CSMD1: variants seen among roughly 807,000 people sequenced by gnomAD.
CSMD1 encodes the protein CUB and sushi domain-containing protein 1.
A neutral mutation model predicts 417.5 loss-of-function variants in CSMD1; 213 were observed. The ratio of observed to expected loss-of-function variants is 0.51; its 90% CI spans 0.46 to 0.57. The LOEUF is 0.57. Among genes scored for constraint, CSMD1 ranks in the 20% least tolerant of loss-of-function variants. The pLI is 0.00. For synonymous variants in CSMD1, 2,862 were observed against 1,736.8 expected, an observed-to-expected ratio of 1.65 and a Z score of -16.11; for missense variants, 6,923 against 4,529.7, an observed-to-expected ratio of 1.53 and a Z score of -15.17.
chr8:3,874,303 T>C (rs1805673558), intron 5 of CSMD1, among the ~76,000 whole-genome samples: 1 of 152,214 alleles, frequency 6.6e-6, no homozygotes, highest in African/African-American at 2.4e-5. Context: ...ACCTGTACTT[T>C]GGAAATACAG....
chr8:4,484,643 T>G (rs1038184625), intron 2 of CSMD1, among the ~76,000 whole-genome samples: 1 of 151,994 alleles, frequency 6.6e-6, no homozygotes, highest in African/African-American at 2.4e-5. Context: ...GAGACACATC[T>G]TCCTGCATGG....
At chr8:3,106,865 G>C (rs1255352785) in intron 45 of CSMD1, 1 of 369,074 alleles carries the variant, frequency 2.7e-6, no homozygotes, top group Non-Finnish European at 4.8e-6. Flanking sequence ...GAAATGATGT[G>C]GCAGCTTTTC....
intron 55 of CSMD1, among the ~76,000 whole-genome samples, chr8:2,977,554 G>T (rs1805033615): frequency 6.6e-6 from 1 of 152,156 alleles, no homozygotes; most frequent in Admixed American, 6.5e-5. Context: ...TAGTGCTGCA[G>T]TGAACATACA....
chr8:3,484,811 A>G (rs993338962), intron 11 of CSMD1, among the ~76,000 whole-genome samples: 4 of 152,238 alleles, frequency 2.6e-5, no homozygotes, highest in African/African-American at 7.2e-5. Context: ...ATAGTAAATA[A>G]GCATCTGACA....
At chr8:3,202,973 C>T (rs1797069299) in intron 31 of CSMD1, among the ~76,000 whole-genome samples, 1 of 152,118 alleles carries the variant, frequency 6.6e-6, no homozygotes, top group African/African-American at 2.4e-5. Flanking sequence ...CTCTACAGAT[C>T]TTGCTCATAC....
intron 7 of CSMD1, among the ~76,000 whole-genome samples, chr8:3,658,029 C>A (rs987961972): frequency 1.3e-5 from 2 of 152,106 alleles, no homozygotes; most frequent in Non-Finnish European, 2.9e-5. Flanking sequence ...CTGGATTTCT[C>A]GTCTTGAAAT....
chr8:3,101,851 G>C (rs998232127), intron 46 of CSMD1, among the ~76,000 whole-genome samples: 2 of 145,552 alleles, frequency 1.4e-5, no homozygotes, highest in African/African-American at 2.6e-5. Context: ...GCTCAGGCTG[G>C]AGTGCAGTGA....
At chr8:3,804,392 A>T (rs1005554548) in intron 5 of CSMD1, among the ~76,000 whole-genome samples, 3 of 152,236 alleles carry the variant, frequency 2.0e-5, no homozygotes, top group Non-Finnish European at 2.9e-5. Flanking sequence ...ACACAAATAA[A>T]AAATACATTA....
At chr8:4,973,194 C>A (rs916867380) in intron 1 of CSMD1, among the ~76,000 whole-genome samples, 8 of 151,870 alleles carry the variant, frequency 5.3e-5, no homozygotes, top group African/African-American at 1.7e-4. Context: ...CTTTTTAGTG[C>A]CTTTTTGGTT....
chr8:3,339,057 T>C (rs1585021899), intron 23 of CSMD1, among the ~76,000 whole-genome samples: 1 of 144,076 alleles, frequency 6.9e-6, no homozygotes, highest in Admixed American at 7.3e-5. Flanking sequence ...CATTGTTCAA[T>C]TCCCACCTAT....
At chr8:4,524,569 CTTTTTTTT>C (rs35453060) in intron 2 of CSMD1, among the ~76,000 whole-genome samples, 1 of 117,950 alleles carries the variant, frequency 8.5e-6, no homozygotes, top group African/African-American at 3.4e-5. Flanking sequence ...CACACTTGGT[CTTTTTTTT>C]TTTTTTTTTT....
At chr8:3,172,941 C>A (rs1820675337) in intron 37 of CSMD1, among the ~76,000 whole-genome samples, 1 of 152,178 alleles carries the variant, frequency 6.6e-6, no homozygotes, top group Admixed American at 6.5e-5. Context: ...CGTGACGTTA[C>A]TGATAGGACC....
At chr8:3,036,987 C>G (rs1206979379) in intron 50 of CSMD1, among the ~76,000 whole-genome samples, 1 of 152,112 alleles carries the variant, frequency 6.6e-6, no homozygotes, top group African/African-American at 2.4e-5. Context: ...TCTATCATCC[C>G]CTTGAGTCCC....
chr8:4,541,444 G>A (rs551370107), intron 2 of CSMD1, among the ~76,000 whole-genome samples: 1 of 152,284 alleles, frequency 6.6e-6, no homozygotes, highest in Non-Finnish European at 1.5e-5. Flanking sequence ...CTTGGATCAA[G>A]GTGTCCCACG....
Position 4,031,900 on chromosome 8 carries a change from T to G in CSMD1, c.610+5A>C. 1.2e-6 allele frequency: 2 copies of G among 1,611,604 alleles called. No individual in the cohort carries two copies. The highest frequency in any genetic ancestry group is 1.7e-6 in the Non-Finnish European group (2 of 1,178,532). On this transcript the variant is annotated splice_donor_5th_base_variant and intron_variant, in intron 4 of 69. Coordinates refer to ENST00000635120, the MANE Select transcript of CSMD1 (RefSeq NM_033225.6). ...CTGCTCACCAGCCCCCTTGTAGCAC[T>G]GTACCTCTGCAAAAGGGAGCTGGGA...
At position 4,922,508 on chromosome 8, in the gene CSMD1, G is replaced by A. The variant is rs182311503; in HGVS notation, c.85+71824C>T. ...TTCTTCCTACCTTAAAATTTGACTC[G>A]TTTTACATTGCTGGGCAAACCATTC... is the stretch of plus-strand genomic sequence containing the variant. On this transcript the variant is annotated intron_variant, in intron 1 of 69. Coordinates refer to ENST00000635120, the MANE Select transcript of CSMD1 (RefSeq NM_033225.6). 1.8e-3 allele frequency among the ~76,000 whole-genome samples: 276 copies of A among 152,196 alleles called. No individual in the cohort carries two copies. The Middle Eastern group carries it at 0.027, about 15-fold the overall frequency.
At chr8:3,349,890 T>C (rs995954089) in intron 21 of CSMD1, among the ~76,000 whole-genome samples, 1 of 96,114 alleles carries the variant, frequency 1.0e-5, no homozygotes, top group East Asian at 2.8e-4. Flanking sequence ...TATATATATA[T>C]TTATAATATA....
intron 1 of CSMD1, among the ~76,000 whole-genome samples, chr8:4,721,772 A>G (rs1809070093): frequency 1.3e-5 from 2 of 152,190 alleles, no homozygotes; most frequent in South Asian, 2.1e-4. Context: ...TCACTGAGGT[A>G]TCATTCACAA....
intron 3 of CSMD1, among the ~76,000 whole-genome samples, chr8:4,119,807 G>A (rs1471809658): frequency 2.0e-5 from 3 of 152,184 alleles, no homozygotes; most frequent in Non-Finnish European, 4.4e-5. Flanking sequence ...GTTCTACGAT[G>A]CAATTTATGA....
Sources: allele counts gnomAD v4.1 joint callset (sites outside exome capture counted in the v4.1 genomes callset), GRCh38; gene constraint gnomAD v4.1.1; transcripts MANE v1.5; gene names NCBI Gene and HGNC (gene_info 2026-07-23, HGNC 2026-07-21).